FAM135B: variants seen among roughly 807,000 people sequenced by gnomAD.
FAM135B encodes family with sequence similarity 135 member B, also known as protein FAM135B.
Under a neutral mutation model 127.7 loss-of-function variants are expected in FAM135B, and 43 were observed. The ratio of observed to expected loss-of-function variants is 0.34; its 90% CI spans 0.26 to 0.43. FAM135B has a LOEUF of 0.43. Ranked by LOEUF, FAM135B falls within the 20% of genes least tolerant of loss-of-function variation. FAM135B has a pLI of 1.00. For synonymous variants in FAM135B, 670 were observed against 665.1 expected (o/e 1.01, Z -0.11); for missense variants, 1,558 against 1,725.6 (o/e 0.90, Z 1.72).
At chr8:138,361,059 G>T (rs1316048055) in intron 2 of FAM135B, among the ~76,000 whole-genome samples, 1 of 152,004 alleles carries the variant, frequency 6.6e-6, no homozygotes, top group Non-Finnish European at 1.5e-5. Flanking sequence ...CCGAGTAGCT[G>T]GGATTATAGG....
intron 1 of FAM135B, among the ~76,000 whole-genome samples, chr8:138,433,700 G>A (rs1223065312): frequency 6.6e-6 from 1 of 152,104 alleles, no homozygotes; most frequent in Non-Finnish European, 1.5e-5. Flanking sequence ...AAATCTCTTT[G>A]ATGTTCAAGT....
chr8:138,139,316 A>G (rs2130570344), intron 17 of FAM135B, among the ~76,000 whole-genome samples: 1 of 152,352 alleles, frequency 6.6e-6, no homozygotes, highest in South Asian at 2.1e-4. Context: ...TGATGACAGG[A>G]CAACAGCCTT....
chr8:138,353,434 C>T (rs1019240011), intron 2 of FAM135B, among the ~76,000 whole-genome samples: 19 of 152,270 alleles, frequency 1.2e-4, no homozygotes, highest in Non-Finnish European at 2.2e-4. Flanking sequence ...ATGCTCCCAC[C>T]TTCTGGCTCT....
At chr8:138,486,284 G>A (rs1023106002) in intron 1 of FAM135B, among the ~76,000 whole-genome samples, 1 of 152,074 alleles carries the variant, frequency 6.6e-6, no homozygotes, top group African/African-American at 2.4e-5. Context: ...TTCCCTCAGG[G>A]CACAGGCATT....
chr8:138,490,253 C>G (rs1258078698), intron 1 of FAM135B, among the ~76,000 whole-genome samples: 1 of 152,188 alleles, frequency 6.6e-6, no homozygotes, highest in Non-Finnish European at 1.5e-5. Flanking sequence ...AATTTTCTTT[C>G]AGATACCAGA....
At chr8:138,217,641 C>A (rs1214698513) in intron 7 of FAM135B, among the ~76,000 whole-genome samples, 1 of 152,020 alleles carries the variant, frequency 6.6e-6, no homozygotes, top group Non-Finnish European at 1.5e-5. Flanking sequence ...CCATGTTAGC[C>A]AGGATGGTCT....
intron 1 of FAM135B, among the ~76,000 whole-genome samples, chr8:138,397,596 C>G (rs987178438): frequency 6.6e-6 from 1 of 152,132 alleles, no homozygotes; most frequent in Non-Finnish European, 1.5e-5. Flanking sequence ...TTGCTGTTGA[C>G]TCTAAAAATA....
At chr8:138,344,434 C>G (rs1829261658) in intron 2 of FAM135B, among the ~76,000 whole-genome samples, 1 of 152,104 alleles carries the variant, frequency 6.6e-6, no homozygotes, top group South Asian at 2.1e-4. Flanking sequence ...CACGACTGCC[C>G]TTCCTTTGGC....
chr8:138,226,182 T>TGCGC (rs199535766), intron 7 of FAM135B, among the ~76,000 whole-genome samples: 6 of 118,408 alleles, frequency 5.1e-5, no homozygotes, highest in African/African-American at 1.9e-4. Context: ...TGTGTGTGTG[T>TGCGC]GTGCGCGCAT....
chr8:138,282,695 G>A (rs1235762196), intron 3 of FAM135B, among the ~76,000 whole-genome samples: 1 of 152,200 alleles, frequency 6.6e-6, no homozygotes, highest in South Asian at 2.1e-4. Flanking sequence ...TAGCAAAGGT[G>A]TGGGGTAACA....
intron 1 of FAM135B, among the ~76,000 whole-genome samples, chr8:138,374,262 A>G (rs1831327275): frequency 6.6e-6 from 1 of 152,206 alleles, no homozygotes; most frequent in African/African-American, 2.4e-5. Flanking sequence ...CAGGTTCCCC[A>G]GTAAGTCCAG....
chr8:138,163,204 C>G lies in FAM135B; in HGVS notation c.1258+4691G>C, dbSNP rs79317541. Among the ~76,000 whole-genome samples the G allele has an allele frequency of 6.6e-3, 1,005 of 152,244 alleles. 6 individuals are homozygous for G. Among genetic ancestry groups the G allele is most frequent in the Non-Finnish European group, 0.012 (787 of 68,028 alleles). ...CAATCCCCTGGAGGAGAAATTACAA[C>G]CCCTTTTGCCCAATTTCACACGGTT... On this transcript the variant is annotated intron_variant, in intron 12 of 19. Coordinates refer to ENST00000395297, the MANE Select transcript of FAM135B (RefSeq NM_015912.4).
At chr8:138,384,376 T>A (rs1405029960) in intron 1 of FAM135B, among the ~76,000 whole-genome samples, 1 of 151,756 alleles carries the variant, frequency 6.6e-6, no homozygotes, top group East Asian at 1.9e-4. Context: ...ATTTATTTAT[T>A]TATTTATTTA....
intron 1 of FAM135B, among the ~76,000 whole-genome samples, chr8:138,375,322 T>C (rs896970385): frequency 3.9e-5 from 6 of 152,192 alleles, no homozygotes; most frequent in Non-Finnish European, 8.8e-5. Flanking sequence ...CGAAGTACCA[T>C]GTAAAATGCA....
intron 7 of FAM135B, among the ~76,000 whole-genome samples, chr8:138,225,237 AAAAT>A (rs1347663658): frequency 6.6e-6 from 1 of 152,158 alleles, no homozygotes; most frequent in East Asian, 1.9e-4. Context: ...TGTCAACTAA[AAAAT>A]AAATAGAAAG....
chr8:138,294,729 A>T (rs1408142443), intron 3 of FAM135B, among the ~76,000 whole-genome samples: 1 of 152,216 alleles, frequency 6.6e-6, no homozygotes, highest in African/African-American at 2.4e-5. Flanking sequence ...TGACCATTCA[A>T]ACTGCAAAGA....
intron 7 of FAM135B, among the ~76,000 whole-genome samples, chr8:138,235,472 C>T (rs1343914504): frequency 1.3e-5 from 2 of 152,170 alleles, no homozygotes; most frequent in South Asian, 2.1e-4. Flanking sequence ...CTGTGTCTTA[C>T]GTATGTGACT....
intron 9 of FAM135B, among the ~76,000 whole-genome samples, chr8:138,187,234 T>C (rs1190764170): frequency 6.6e-6 from 1 of 152,254 alleles, no homozygotes; most frequent in East Asian, 1.9e-4. Context: ...TTGAAAAGGC[T>C]GCTGCTTGGC....
At chr8:138,272,728 G>A (rs1823477025) in intron 3 of FAM135B, among the ~76,000 whole-genome samples, 1 of 152,316 alleles carries the variant, frequency 6.6e-6, no homozygotes, top group African/African-American at 2.4e-5. Flanking sequence ...CACTTTAGTT[G>A]CTCAACACAG....
Sources: allele counts gnomAD v4.1 joint callset (sites outside exome capture counted in the v4.1 genomes callset), GRCh38; gene constraint gnomAD v4.1.1; transcripts MANE v1.5; gene names NCBI Gene and HGNC (gene_info 2026-07-23, HGNC 2026-07-21).